Variants in FRMD5 observed in about 807,000 individuals in gnomAD.
FRMD5 encodes the protein FERM domain-containing protein 5.
FRMD5 carries 20 observed loss-of-function variants against 69.0 expected under a neutral mutation model. The observed-to-expected ratio is 0.29, with a 90% CI of 0.20 to 0.42. FRMD5 has a LOEUF of 0.42. FRMD5 is among the 10% of genes least tolerant of loss of function. The probability of loss-of-function intolerance (pLI) is 1.00; values close to 1 mark genes in which losing one functional copy is unlikely to be tolerated. For missense variants in FRMD5, 595 were observed against 708.6 expected, an observed-to-expected ratio of 0.84 and a Z score of 1.82; for synonymous variants, 271 against 260.1, an observed-to-expected ratio of 1.04 and a Z score of -0.40.
chr15:44,027,327 CA>C (rs879320387), intron 1 of FRMD5, among the ~76,000 whole-genome samples: 1 of 151,600 alleles, frequency 6.6e-6, no homozygotes, highest in Non-Finnish European at 1.5e-5. Flanking sequence ...ACAACAAAAA[CA>C]AAAAAAACCC....
intron 1 of FRMD5, among the ~76,000 whole-genome samples, chr15:44,089,636 T>C (rs866118469): frequency 1.3e-5 from 2 of 152,078 alleles, no homozygotes; most frequent in Middle Eastern, 3.4e-3. Context: ...CCAGGATGCA[T>C]AGCTTGCAGT....
chr15:44,040,204 A>C (rs1286246130), intron 1 of FRMD5, among the ~76,000 whole-genome samples: 1 of 152,172 alleles, frequency 6.6e-6, no homozygotes, highest in African/African-American at 2.4e-5. Context: ...GTGTACCTGA[A>C]AGTAGCAGGG....
chr15:44,065,284 G>C (rs1893262470), intron 1 of FRMD5, among the ~76,000 whole-genome samples: 1 of 152,112 alleles, frequency 6.6e-6, no homozygotes, highest in African/African-American at 2.4e-5. Context: ...AAGAGGTCCT[G>C]GTAGGACTAG....
At chr15:44,104,314 A>C (rs1478003061) in intron 1 of FRMD5, among the ~76,000 whole-genome samples, 1 of 152,256 alleles carries the variant, frequency 6.6e-6, no homozygotes, top group African/African-American at 2.4e-5. Flanking sequence ...AAATATTCTA[A>C]AAGTTCATGA....
Position 43,916,342 on chromosome 15 carries a change from G to C in FRMD5, c.329+3117C>G, listed in dbSNP as rs533684929. On this transcript the variant is annotated intron_variant, in intron 4 of 13. Coordinates refer to ENST00000417257, the MANE Select transcript of FRMD5 (RefSeq NM_032892.5). Reference sequence around the variant, plus strand: ...TAGGATTCTAGCTGGTGGGGAAAGGGGACAGAGGAGGAGTGGAGATTATTA... The same window carrying C: ...TAGGATTCTAGCTGGTGGGGAAAGGCGACAGAGGAGGAGTGGAGATTATTA... Among the ~76,000 whole-genome samples, 5 of 152,298 alleles carry C rather than the reference G, an allele frequency of 3.3e-5. No individual in the cohort carries two copies. The South Asian group carries it at 8.3e-4, about 25-fold the overall frequency.
intron 1 of FRMD5, among the ~76,000 whole-genome samples, chr15:43,934,451 G>GA (rs2089725274): frequency 6.6e-6 from 1 of 151,346 alleles, no homozygotes. Context: ...ATTTAAAACA[G>GA]TTTTTTTTTC....
chr15:44,178,502 T>C (rs1192328604), intron 1 of FRMD5, among the ~76,000 whole-genome samples: 3 of 152,196 alleles, frequency 2.0e-5, no homozygotes, highest in Non-Finnish European at 4.4e-5. Context: ...GTCAAGTTTA[T>C]ATATTGCCGA....
At chr15:44,184,722 T>C (rs1471039503) in intron 1 of FRMD5, among the ~76,000 whole-genome samples, 1 of 152,232 alleles carries the variant, frequency 6.6e-6, no homozygotes. Flanking sequence ...GGCTATCTTG[T>C]TCAGGAAAGA....
At position 43,891,995 on chromosome 15, in the gene FRMD5, G is replaced by A. The variant is rs770609226; in HGVS notation, c.714C>T (p.Val238=). 7 of 1,613,858 alleles carry A rather than the reference G, an allele frequency of 4.3e-6. No homozygotes were observed. The highest frequency in any genetic ancestry group is 4.5e-5 in the East Asian group (2 of 44,884). Residue 238 remains valine, a synonymous_variant, in exon 8 of 14, where the codon GTC becomes GTT. Transcript: ENST00000417257. ...AAGATGCTCACCATTTAATGAAGTGGACCCTCTTGTTTCCTTGAAGAACAA... is the reference window on the plus strand; with the variant it reads ...AAGATGCTCACCATTTAATGAAGTGAACCCTCTTGTTTCCTTGAAGAACAA... ...GFVVLQGNKR[V]HFIKWNEVTK... is the part of the protein sequence containing the mutation.
At chr15:43,990,429 CA>C (rs1187121189) in intron 1 of FRMD5, among the ~76,000 whole-genome samples, 1 of 152,152 alleles carries the variant, frequency 6.6e-6, no homozygotes, top group Non-Finnish European at 1.5e-5. Context: ...TTTTAAATTA[CA>C]GCTTACTAAC....
At chr15:43,882,260 C>T (rs1483470366) in intron 13 of FRMD5, among the ~76,000 whole-genome samples, 2 of 152,182 alleles carry the variant, frequency 1.3e-5, no homozygotes, top group Admixed American at 6.5e-5. Context: ...CTCTCTCTTC[C>T]CACCTCGGCC....
At position 43,918,253 on chromosome 15, in the gene FRMD5, G is replaced by A. The variant is rs552329971; in HGVS notation, c.329+1206C>T. Among the ~76,000 whole-genome samples, 53 of 152,206 alleles carry A rather than the reference G, an allele frequency of 3.5e-4. 1 individual carries two copies. Among genetic ancestry groups the A allele is most frequent in the African/African-American group, 1.2e-3 (51 of 41,520 alleles). On this transcript the variant is annotated intron_variant, in intron 4 of 13. Transcript: ENST00000417257. ...AGCCTGGTTAACATGGTGAAACCCC[G>A]TCTCTACTAAAAATACAAAAATTAG...
intron 13 of FRMD5, among the ~76,000 whole-genome samples, chr15:43,875,095 GGGGAGGCAGGAGAACTGCTTGAACTT>G (rs2088293529): frequency 6.6e-6 from 1 of 152,080 alleles, no homozygotes; most frequent in African/African-American, 2.4e-5. Flanking sequence ...CTACTCAGGA[GGGGAGGCAGGAGAACTGCTTGAACTT>G]GGGAGGCAGA....
At chr15:43,971,628 TA>T (rs753940718) in intron 1 of FRMD5, among the ~76,000 whole-genome samples, 797 of 117,584 alleles carry the variant, frequency 6.8e-3, no homozygotes, top group South Asian at 0.01. Context: ...AGGTTGCATC[TA>T]AAAAAAAAAA....
At chr15:43,939,028 AT>A (rs879633615) in intron 1 of FRMD5, among the ~76,000 whole-genome samples, 348 of 143,098 alleles carry the variant, frequency 2.4e-3, no homozygotes, top group Middle Eastern at 3.6e-3. Flanking sequence ...CATCCGGCTA[AT>A]TTTTTTTTTT....
intron 5 of FRMD5, among the ~76,000 whole-genome samples, chr15:43,907,509 T>G (rs1024511003): frequency 4.7e-5 from 7 of 149,828 alleles, no homozygotes; most frequent in Admixed American, 2.7e-4. Context: ...AGACTACAGG[T>G]GCACACCCCA....
chr15:43,883,693 T>C lies in FRMD5; in HGVS notation c.1135+10A>G. The C allele has an allele frequency of 6.3e-7, 1 of 1,597,122 alleles. No homozygotes were observed. The highest frequency in any genetic ancestry group is 8.5e-7 in the Non-Finnish European group (1 of 1,170,200). On this transcript the variant is annotated intron_variant, in intron 13 of 13. Coordinates refer to ENST00000417257, the MANE Select transcript of FRMD5 (RefSeq NM_032892.5). Reference sequence around the variant, plus strand: ...GACCCCAGTGGTCACCTCAAGAAGCTCATGCTCACCTTCCATGATGGAGAT... The same window carrying C: ...GACCCCAGTGGTCACCTCAAGAAGCCCATGCTCACCTTCCATGATGGAGAT...
Position 44,015,973 on chromosome 15 carries a change from G to A in FRMD5, c.103-91664C>T, listed in dbSNP as rs116073917. 5.7e-3 allele frequency among the ~76,000 whole-genome samples: 872 copies of A among 152,296 alleles called. 14 individuals carry two copies. The highest frequency in any genetic ancestry group is 0.02 in the African/African-American group (837 of 41,562). On this transcript the variant is annotated intron_variant, in intron 1 of 13. Coordinates refer to ENST00000417257, the MANE Select transcript of FRMD5 (RefSeq NM_032892.5). Reference sequence around the variant, plus strand: ...AGAATACAATATTCAGATACAGGGAGTGCCTAGATGTGGAGAAGTTCCCGG... The same window carrying A: ...AGAATACAATATTCAGATACAGGGAATGCCTAGATGTGGAGAAGTTCCCGG...
chr15:43,937,023 G>A lies in FRMD5; in HGVS notation c.103-12714C>T, dbSNP rs190089785. Among the ~76,000 whole-genome samples the A allele has an allele frequency of 1.3e-3, 198 of 152,276 alleles. 1 individual carries two copies. The highest frequency in any genetic ancestry group is 4.7e-3 in the African/African-American group (195 of 41,548). On this transcript the variant is annotated intron_variant, in intron 1 of 13. Coordinates refer to ENST00000417257, the MANE Select transcript of FRMD5 (RefSeq NM_032892.5). Reference sequence around the variant, plus strand: ...GAACCTCATAGCCAAGTTATTTTTAGGAAATTGATGCTAAAAAATACTGCC... The same window carrying A: ...GAACCTCATAGCCAAGTTATTTTTAAGAAATTGATGCTAAAAAATACTGCC...
Sources: gnomAD v4.1 joint callset for allele counts (sites outside exome capture counted in the v4.1 genomes callset) on GRCh38, gnomAD v4.1.1 for gene constraint, MANE v1.5 for transcripts, NCBI Gene and HGNC (gene_info 2026-07-23, HGNC 2026-07-21) for gene names.